Variants in RBFOX1 observed in about 807,000 individuals in gnomAD.
RBFOX1 encodes the protein RNA binding fox-1 homolog 1.
In RBFOX1, 8 loss-of-function variants were observed where a neutral mutation model predicts 57.7. That is an observed-to-expected ratio of 0.14 (90% confidence interval 0.08 to 0.25). RBFOX1 has a LOEUF of 0.25. Ranked by LOEUF, RBFOX1 falls within the 10% of genes least tolerant of loss-of-function variation. The probability of loss-of-function intolerance (pLI) is 1.00; values close to 1 mark genes in which losing one functional copy is unlikely to be tolerated. For synonymous variants in RBFOX1, 326 were observed against 222.4 expected, an observed-to-expected ratio of 1.47 and a Z score of -4.15; for missense variants, 611 against 548.5, an observed-to-expected ratio of 1.11 and a Z score of -1.14.
intron 4 of RBFOX1, among the ~76,000 whole-genome samples, chr16:5,924,318 C>A (rs1388365254): frequency 6.6e-6 from 1 of 152,128 alleles, no homozygotes; most frequent in Non-Finnish European, 1.5e-5. Flanking sequence ...GGATGTTTAA[C>A]CCCTCCAAAC....
chr16:6,155,717 G>C (rs189996221), intron 1 of RBFOX1, among the ~76,000 whole-genome samples: 1 of 152,166 alleles, frequency 6.6e-6, no homozygotes, highest in African/African-American at 2.4e-5. Flanking sequence ...AGTAGTCCCC[G>C]TGGAGCCTGA....
intron 1 of RBFOX1, among the ~76,000 whole-genome samples, chr16:6,159,007 A>G (rs11077006): frequency 0.56 from 85,138 of 151,788 alleles, 24,904 homozygotes; most frequent in Admixed American, 0.69. Context: ...GGTTCAAGCA[A>G]TTCTCCTGCC....
chr16:6,562,880 C>CTT lies in RBFOX1; in HGVS notation c.-63-91706_-63-91705dup, dbSNP rs71145250. On this transcript the variant is annotated intron_variant, in intron 2 of 15. Coordinates refer to ENST00000550418, the MANE Select transcript of RBFOX1 (RefSeq NM_018723.4). ...TCTTTCTTTCTTTCTTTCTTTCTTT[C>CTT]TTTTTTTTTTTTTTTTTTGCATAGT... 2.9e-4 allele frequency among the ~76,000 whole-genome samples: 15 copies of CTT among 51,776 alleles called. 1 individual carries two copies. Among genetic ancestry groups the CTT allele is most frequent in the East Asian group, 9.1e-4 (1 of 1,096 alleles). The allele number at this position is 51,776 out of a possible 152,430, so 34.0% of individuals were successfully genotyped here.
intron 3 of RBFOX1, among the ~76,000 whole-genome samples, chr16:5,701,693 C>G (rs888828795): frequency 1.3e-5 from 2 of 152,160 alleles, no homozygotes; most frequent in Non-Finnish European, 2.9e-5. Context: ...CTTAGCCTCT[C>G]AAAATGCTGG....
chr16:6,458,210 T>A (rs1434626517), intron 2 of RBFOX1, among the ~76,000 whole-genome samples: 1 of 152,108 alleles, frequency 6.6e-6, no homozygotes, highest in African/African-American at 2.4e-5. Flanking sequence ...GCTCTGGAAG[T>A]TCGTCTGCAG....
At position 7,016,165 on chromosome 16, in the gene RBFOX1, C is replaced by G. The variant is rs184129154; in HGVS notation, c.-15-35892C>G. On this transcript the variant is annotated intron_variant, in intron 3 of 15. Coordinates refer to ENST00000550418, the MANE Select transcript of RBFOX1 (RefSeq NM_018723.4). ...GAGACACCACCAGACATGACCATCCCTTGCCGCGGTGAATTTGAAGTCCTT... is the reference window on the plus strand; with the variant it reads ...GAGACACCACCAGACATGACCATCCGTTGCCGCGGTGAATTTGAAGTCCTT... Among the ~76,000 whole-genome samples, 100 of 152,198 alleles carry G rather than the reference C, an allele frequency of 6.6e-4. 1 individual carries two copies. The highest frequency in any genetic ancestry group is 2.2e-3 in the African/African-American group (93 of 41,540).
chr16:5,474,268 A>T (rs2069240664), intron 2 of RBFOX1, among the ~76,000 whole-genome samples: 1 of 152,202 alleles, frequency 6.6e-6, no homozygotes, highest in Non-Finnish European at 1.5e-5. Flanking sequence ...ATTAATTTCC[A>T]CTTACACTAT....
intron 4 of RBFOX1, among the ~76,000 whole-genome samples, chr16:5,868,206 C>G (rs9925189): frequency 0.47 from 71,472 of 152,056 alleles, 16,926 homozygotes; most frequent in African/African-American, 0.51. Context: ...CACTCTCACT[C>G]CTGAGCCACT....
chr16:6,091,941 A>T (rs1190069378), intron 1 of RBFOX1, among the ~76,000 whole-genome samples: 1 of 152,158 alleles, frequency 6.6e-6, no homozygotes, highest in Non-Finnish European at 1.5e-5. Flanking sequence ...CTACCTCCCC[A>T]TCTATCTGTC....
chr16:6,852,226 C>T (rs11077093), intron 3 of RBFOX1, among the ~76,000 whole-genome samples: 10,183 of 152,134 alleles, frequency 0.067, 1,158 homozygotes, highest in African/African-American at 0.23. Context: ...ATTCTTCTAG[C>T]TTGTAGTGGC....
chr16:7,351,431 C>T (rs1289713627), intron 4 of RBFOX1, among the ~76,000 whole-genome samples: 4 of 152,168 alleles, frequency 2.6e-5, no homozygotes, highest in Non-Finnish European at 4.4e-5. Context: ...AGCTTTGATT[C>T]TTTTTTTAGT....
intron 4 of RBFOX1, among the ~76,000 whole-genome samples, chr16:7,096,990 A>G (rs1349315739): frequency 3.3e-5 from 5 of 151,716 alleles, no homozygotes; most frequent in Non-Finnish European, 5.9e-5. Flanking sequence ...CCCAGGAAAT[A>G]TTAAAGAGCT....
At chr16:5,534,317 G>C (rs985922966) in intron 2 of RBFOX1, among the ~76,000 whole-genome samples, 1 of 152,146 alleles carries the variant, frequency 6.6e-6, no homozygotes, top group Admixed American at 6.5e-5. Flanking sequence ...GTTTATTAAG[G>C]AGAATTGACT....
At chr16:7,041,232 C>A (rs1024111415) in intron 3 of RBFOX1, among the ~76,000 whole-genome samples, 2 of 151,882 alleles carry the variant, frequency 1.3e-5, no homozygotes, top group African/African-American at 2.4e-5. Flanking sequence ...CCACATCCAA[C>A]CCTGTAAATA....
chr16:6,607,501 T>C lies in RBFOX1; in HGVS notation c.-63-47102T>C, dbSNP rs929486276. Among the ~76,000 whole-genome samples, 11 of 149,748 alleles carry C rather than the reference T, an allele frequency of 7.3e-5. No individual in the cohort carries two copies. In the East Asian group the frequency reaches 8.0e-4, roughly 11 times the overall value. On this transcript the variant is annotated intron_variant, in intron 2 of 15. Transcript: ENST00000550418. Reference sequence around the variant, plus strand: ...TCTCCTTACTCTTTCTTCCTCTCTCTCCCCTCTCTTCTCTCTCCTATCTAT... The same window carrying C: ...TCTCCTTACTCTTTCTTCCTCTCTCCCCCCTCTCTTCTCTCTCCTATCTAT...
At chr16:7,302,309 G>C (rs1217170374) in intron 4 of RBFOX1, among the ~76,000 whole-genome samples, 1 of 152,118 alleles carries the variant, frequency 6.6e-6, no homozygotes, top group Non-Finnish European at 1.5e-5. Flanking sequence ...ATAGAGCCGT[G>C]GGATAATTAG....
At chr16:6,443,016 C>T (rs2094417386) in intron 2 of RBFOX1, among the ~76,000 whole-genome samples, 1 of 152,150 alleles carries the variant, frequency 6.6e-6, no homozygotes, top group Non-Finnish European at 1.5e-5. Context: ...TACTTGGAGC[C>T]AGGGTCTGGA....
intron 1 of RBFOX1, among the ~76,000 whole-genome samples, chr16:6,273,044 G>C (rs2075376621): frequency 6.6e-6 from 1 of 152,064 alleles, no homozygotes; most frequent in Non-Finnish European, 1.5e-5. Flanking sequence ...TGAGTCACCC[G>C]AGGTCAGGAG....
chr16:6,917,536 G>A (rs2033705597), intron 3 of RBFOX1, among the ~76,000 whole-genome samples: 1 of 152,184 alleles, frequency 6.6e-6, no homozygotes, highest in Admixed American at 6.5e-5. Flanking sequence ...GAAGATCAAT[G>A]CTAACAATGT....
Sources: allele counts gnomAD v4.1 joint callset (sites outside exome capture counted in the v4.1 genomes callset), GRCh38; gene constraint gnomAD v4.1.1; transcripts MANE v1.5; gene names NCBI Gene and HGNC (gene_info 2026-07-23, HGNC 2026-07-21).